TNR: variants seen among roughly 807,000 people sequenced by gnomAD.
The protein encoded by TNR is tenascin-R.
Under a neutral mutation model 150.4 loss-of-function variants are expected in TNR, and 45 were observed. The ratio of observed to expected loss-of-function variants is 0.30; its 90% CI spans 0.24 to 0.38. The LOEUF (loss-of-function observed/expected upper bound fraction) is 0.38, where lower values mean the gene tolerates loss of function less well. TNR is among the 10% of genes least tolerant of loss of function. The probability of loss-of-function intolerance (pLI) is 1.00; values close to 1 mark genes in which losing one functional copy is unlikely to be tolerated. For synonymous variants in TNR, 687 were observed against 678.4 expected, an observed-to-expected ratio of 1.01 and a Z score of -0.20; for missense variants, 1,544 against 1,759.1, an observed-to-expected ratio of 0.88 and a Z score of 2.19.
At chr1:175,485,595 G>T (rs572395366) in intron 2 of TNR, among the ~76,000 whole-genome samples, 12 of 152,122 alleles carry the variant, frequency 7.9e-5, no homozygotes, top group Non-Finnish European at 1.8e-4. Context: ...TGAATTTAAA[G>T]ACACTCACTC....
chr1:175,325,856 C>G (rs1040839279), intron 21 of TNR, among the ~76,000 whole-genome samples: 1 of 150,466 alleles, frequency 6.6e-6, no homozygotes, highest in African/African-American at 2.5e-5. Context: ...CATCACACAC[C>G]AGGGCCTGTT....
intron 2 of TNR, among the ~76,000 whole-genome samples, chr1:175,441,009 T>C (rs1423326588): frequency 6.6e-6 from 1 of 151,818 alleles, no homozygotes; most frequent in African/African-American, 2.4e-5. Context: ...GATGAAAAGG[T>C]GGGGGTGATA....
chr1:175,315,529 T>A lies in TNR; in HGVS notation c.*7828A>T, dbSNP rs1298533279. ...ACAAAGTCAATAAATTGGTCTTTGTTATTTTTACCTGAAAAGGCTGTTAAA... is the reference window on the plus strand; with the variant it reads ...ACAAAGTCAATAAATTGGTCTTTGTAATTTTTACCTGAAAAGGCTGTTAAA... On this transcript the variant is annotated 3_prime_UTR_variant, in exon 23 of 23. Coordinates refer to ENST00000367674, the MANE Select transcript of TNR (RefSeq NM_003285.3). The A allele has an allele frequency of 6.6e-6, 1 of 152,244 alleles. No individual in the cohort carries two copies. The highest frequency in any genetic ancestry group is 1.5e-5 in the Non-Finnish European group (1 of 68,046). The allele number at this position is 152,244 out of a possible 1,614,324, so 9.4% of individuals were successfully genotyped here.
At chr1:175,413,286 A>G (rs1403591197) in intron 2 of TNR, among the ~76,000 whole-genome samples, 1 of 152,188 alleles carries the variant, frequency 6.6e-6, no homozygotes, top group Non-Finnish European at 1.5e-5. Flanking sequence ...TCGGCCTCCC[A>G]AAGTGTTGGG....
At position 175,323,121 on chromosome 1, in the gene TNR, G is replaced by A. The variant is rs1374470663; in HGVS notation, c.*236C>T. ...CCTACTTCTCCTCCTTGGTGGGAAA[G>A]GAGGTGAAGGTTGAGGAGGCCTGGG... On this transcript the variant is annotated 3_prime_UTR_variant, in exon 23 of 23. Transcript: ENST00000367674. 5 of 421,216 alleles carry A rather than the reference G, an allele frequency of 1.2e-5. No homozygotes were observed. The highest frequency in any genetic ancestry group is 4.1e-5 in the African/African-American group (2 of 49,020). The allele number at this position is 421,216 out of a possible 1,614,324, so 26.1% of individuals were successfully genotyped here. A position where few individuals can be genotyped will look rare whatever the true frequency, so the allele number is the denominator to read the frequency against.
chr1:175,677,584 A>G (rs1665900912), intron 1 of TNR, among the ~76,000 whole-genome samples: 1 of 152,124 alleles, frequency 6.6e-6, no homozygotes, highest in South Asian at 2.1e-4. Flanking sequence ...CCTCTTAGCA[A>G]TTGCTTCCGT....
At chr1:175,632,477 A>G (rs1224578193) in intron 1 of TNR, among the ~76,000 whole-genome samples, 2 of 152,226 alleles carry the variant, frequency 1.3e-5, no homozygotes, top group Non-Finnish European at 2.9e-5. Context: ...AATAGAGTCT[A>G]TATGGGTAGA....
At position 175,695,449 on chromosome 1, in the gene TNR, A is replaced by G. The variant is rs569940142; in HGVS notation, c.-165+47777T>C. 9.2e-5 allele frequency among the ~76,000 whole-genome samples: 14 copies of G among 152,374 alleles called. 1 individual carries two copies. The South Asian group carries it at 2.9e-3, about 32-fold the overall frequency. On this transcript the variant is annotated intron_variant, in intron 1 of 22. Transcript: ENST00000367674. The stretch of plus-strand genomic sequence containing the variant: ...CAATCCCTGACCCACAGAAACTATG[A>G]GACAATAAATGTTTGTTGTTTTAAG...
intron 1 of TNR, among the ~76,000 whole-genome samples, chr1:175,687,351 T>C (rs1004915958): frequency 2.6e-5 from 4 of 152,178 alleles, no homozygotes; most frequent in African/African-American, 9.7e-5. Context: ...CTCTGCTTAC[T>C]CTGTCTCCAG....
At chr1:175,576,736 G>A (rs1270687484) in intron 1 of TNR, among the ~76,000 whole-genome samples, 2 of 152,084 alleles carry the variant, frequency 1.3e-5, no homozygotes, top group African/African-American at 4.8e-5. Flanking sequence ...CATTTTTTGA[G>A]ACTCTGCATA....
chr1:175,583,007 T>C (rs1056569813), intron 1 of TNR, among the ~76,000 whole-genome samples: 6 of 152,234 alleles, frequency 3.9e-5, no homozygotes, highest in African/African-American at 1.2e-4. Context: ...CACCTTGATC[T>C]TGGACTTCCC....
intron 2 of TNR, among the ~76,000 whole-genome samples, chr1:175,416,539 G>A (rs1654459702): frequency 1.3e-5 from 2 of 152,252 alleles, no homozygotes; most frequent in African/African-American, 4.8e-5. Context: ...ACCATTCACT[G>A]TTCAATTATT....
At chr1:175,704,873 G>C (rs1001265860) in intron 1 of TNR, among the ~76,000 whole-genome samples, 1 of 152,164 alleles carries the variant, frequency 6.6e-6, no homozygotes, top group Non-Finnish European at 1.5e-5. Flanking sequence ...GCTTATCAAC[G>C]GCTCCCTTCT....
intron 1 of TNR, among the ~76,000 whole-genome samples, chr1:175,615,207 C>T (rs548933024): frequency 1.3e-5 from 2 of 152,160 alleles, no homozygotes; most frequent in East Asian, 3.8e-4. Flanking sequence ...AGAGTACAAC[C>T]AAATTCTATT....
At chr1:175,738,735 A>G (rs1188771272) in intron 1 of TNR, among the ~76,000 whole-genome samples, 4 of 152,220 alleles carry the variant, frequency 2.6e-5, no homozygotes, top group Admixed American at 2.6e-4. Flanking sequence ...AAATTTACCA[A>G]TACAGTCGTA....
intron 14 of TNR, among the ~76,000 whole-genome samples, chr1:175,360,003 T>C (rs1157990811): frequency 6.6e-6 from 1 of 152,244 alleles, no homozygotes; most frequent in East Asian, 1.9e-4. Flanking sequence ...TGCAGAATAC[T>C]GTGCCAGATA....
chr1:175,415,589 C>T (rs1443251194), intron 2 of TNR, among the ~76,000 whole-genome samples: 8 of 152,246 alleles, frequency 5.3e-5, no homozygotes, highest in Non-Finnish European at 1.2e-4. Context: ...AATGGATCCA[C>T]ACTCATTTTT....
intron 1 of TNR, among the ~76,000 whole-genome samples, chr1:175,648,905 G>A (rs1470607855): frequency 6.6e-6 from 1 of 152,158 alleles, no homozygotes; most frequent in African/African-American, 2.4e-5. Flanking sequence ...ATGTTGACTT[G>A]GGAATACTGC....
chr1:175,570,115 G>GCA (rs1661802680), intron 1 of TNR, among the ~76,000 whole-genome samples: 1 of 152,118 alleles, frequency 6.6e-6, no homozygotes, highest in Non-Finnish European at 1.5e-5. Context: ...GTATAGATCT[G>GCA]CACACACACA....
Sources: gnomAD v4.1 joint callset for allele counts (sites outside exome capture counted in the v4.1 genomes callset) on GRCh38, gnomAD v4.1.1 for gene constraint, MANE v1.5 for transcripts, NCBI Gene and HGNC (gene_info 2026-07-23, HGNC 2026-07-21) for gene names.